MTR: variants seen among roughly 807,000 people sequenced by gnomAD.
The protein encoded by MTR is methionine synthase.
MTR carries 84 observed loss-of-function variants against 154.8 expected under a neutral mutation model. The observed-to-expected ratio is 0.54, with a 90% CI of 0.45 to 0.65. The LOEUF (loss-of-function observed/expected upper bound fraction) is 0.65, where lower values mean the gene tolerates loss of function less well. Ranked by LOEUF, MTR falls within the 30% of genes least tolerant of loss-of-function variation. The pLI, the probability that MTR is intolerant of heterozygous loss-of-function variation, is 0.00. For missense variants in MTR, 1,275 were observed against 1,570.2 expected, an observed-to-expected ratio of 0.81 and a Z score of 3.18; for synonymous variants, 554 against 553.9, an observed-to-expected ratio of 1.00 and a Z score of 0.00.
At chr1:236,811,496 GGTA>G in intron 5 of MTR, 2 of 425,252 alleles carry the variant, frequency 4.7e-6, no homozygotes, top group South Asian at 3.4e-5. Flanking sequence ...TACCATGTCT[GGTA>G]GTGCAGTGGG....
In MTR at chr1:236,825,394, C is replaced by T; in HGVS notation, c.922C>T (p.Leu308=). ...DETPSMMAKH[L]KDFAMDGLVN... is the part of the protein sequence containing the mutation. ...AACGCCTTCTATGATGGCCAAGCAC[C>T]TAAAGGTCAGGGGTCCCCCTTTCAC... is the stretch of plus-strand genomic sequence containing the variant. Residue 308 remains leucine (L), a synonymous_variant, in exon 10 of 33, where the codon CTA becomes TTA. Coordinates refer to ENST00000366577, the MANE Select transcript of MTR (RefSeq NM_000254.3). 1 of 1,612,954 alleles carries T rather than the reference C, an allele frequency of 6.2e-7. No homozygotes were observed. The highest frequency in any genetic ancestry group is 8.5e-7 in the Non-Finnish European group (1 of 1,179,044).
In MTR at chr1:236,815,537, C is replaced by T. The variant is rs1287963956; in HGVS notation, c.610-67C>T. On this transcript the variant is annotated intron_variant, in intron 6 of 32. Transcript: ENST00000366577. ...GTCTTAGAAAAGGGTGCATTCTAAT[C>T]AGGAAGTTAGACTAATCTTGGACAC... The T allele has an allele frequency of 6.0e-6, 9 of 1,498,890 alleles. No individual in the cohort carries two copies. The African/African-American group carries it at 8.3e-5, about 14-fold the overall frequency. 92.8% of individuals were successfully genotyped at this position (1,498,890 alleles called of 1,614,324 possible).
At chr1:236,869,473 C>T (rs79024282) in intron 22 of MTR, among the ~76,000 whole-genome samples, 6,100 of 152,294 alleles carry the variant, frequency 0.04, 391 homozygotes, top group African/African-American at 0.13. Context: ...ACTGGGTTTA[C>T]AGGCATGAGC....
intron 9 of MTR, 62 bp from the exon 10 acceptor site, chr1:236,825,274 CTT>C: frequency 8.5e-7 from 1 of 1,182,588 alleles, no homozygotes; most frequent in Non-Finnish European, 1.3e-6. Flanking sequence ...AACATAAAGT[CTT>C]TAAAAATACA....
chr1:236,900,421 AG>A lies in MTR; in HGVS notation c.*2779del. The stretch of plus-strand genomic sequence containing the variant: ...AAAACTATGCTATTAAAAAAAAAGA[AG>A]GTAACTGATAAACCAAAATTGAGCA... On this transcript the variant is annotated 3_prime_UTR_variant, in exon 33 of 33. Transcript: ENST00000366577. 6.4e-6 allele frequency: 1 copy of A among 155,534 alleles called. No individual in the cohort carries two copies. The highest frequency in any genetic ancestry group is 1.4e-5 in the Non-Finnish European group (1 of 70,680). 9.6% of individuals were successfully genotyped at this position (155,534 alleles called of 1,614,324 possible). A position where few individuals can be genotyped will look rare whatever the true frequency, so the allele number is the denominator to read the frequency against.
chr1:236,795,439 C>G lies in MTR; in HGVS notation c.-265C>G. ...GGCCGCGCGTGTCTGGCTGCTAGGC[C>G]GACACCAAGGACTGGCCGGGTACCC... is the stretch of plus-strand genomic sequence containing the variant. On this transcript the variant is annotated 5_prime_UTR_variant, in exon 1 of 33. Transcript: ENST00000366577. 6.7e-7 allele frequency: 1 copy of G among 1,485,366 alleles called. No homozygotes were observed. The highest frequency in any genetic ancestry group is 1.4e-5 in the African/African-American group (1 of 72,042). 92.0% of individuals were successfully genotyped at this position (1,485,366 alleles called of 1,614,324 possible). A position where few individuals can be genotyped will look rare whatever the true frequency, so the allele number is the denominator to read the frequency against.
chr1:236,797,656 G>GC (rs1364076823), intron 1 of MTR, among the ~76,000 whole-genome samples: 3 of 152,030 alleles, frequency 2.0e-5, no homozygotes, highest in Admixed American at 6.6e-5. Context: ...TACTGCACAA[G>GC]CAAAGAGATG....
chr1:236,888,572 G>T (rs1344423563), intron 27 of MTR, among the ~76,000 whole-genome samples: 1 of 152,204 alleles, frequency 6.6e-6, no homozygotes, highest in Non-Finnish European at 1.5e-5. Flanking sequence ...TATTTCTAAG[G>T]TAATAAATCA....
intron 11 of MTR, 37 bp downstream of exon 11, chr1:236,826,933 G>A: frequency 6.4e-7 from 1 of 1,554,140 alleles, no homozygotes; most frequent in Non-Finnish European, 8.9e-7. Context: ...CTAAAACCAA[G>A]TGGATAATCA....
chr1:236,823,757 T>A (rs962706034), intron 8 of MTR, among the ~76,000 whole-genome samples: 1 of 150,866 alleles, frequency 6.6e-6, no homozygotes, highest in African/African-American at 2.4e-5. Flanking sequence ...CTCCAAGATT[T>A]CCTTTTCCTT....
At chr1:236,863,649 A>G in intron 22 of MTR, 95 bp downstream of exon 22, 2 of 1,049,266 alleles carry the variant, frequency 1.9e-6, no homozygotes, top group Non-Finnish European at 2.9e-6. Context: ...AGAGTAGGGC[A>G]TGGCAGTGGA....
At chr1:236,865,119 A>G (rs764701043) in intron 22 of MTR, among the ~76,000 whole-genome samples, 33 of 152,226 alleles carry the variant, frequency 2.2e-4, no homozygotes, top group Non-Finnish European at 4.6e-4. Context: ...CCAGGGTGCT[A>G]CTGGAACTGA....
intron 15 of MTR, among the ~76,000 whole-genome samples, chr1:236,844,749 G>C (rs1322002588): frequency 6.6e-6 from 1 of 152,118 alleles, no homozygotes; most frequent in Non-Finnish European, 1.5e-5. Context: ...TGTGCTGGCG[G>C]GAGTCTATAA....
intron 22 of MTR, among the ~76,000 whole-genome samples, chr1:236,867,270 AT>A (rs1664869271): frequency 6.6e-6 from 1 of 152,198 alleles, no homozygotes; most frequent in Non-Finnish European, 1.5e-5. Flanking sequence ...TTTAAGAATT[AT>A]GTTAAATCTA....
chr1:236,850,735 C>G (rs897291860), intron 16 of MTR, among the ~76,000 whole-genome samples: 4 of 152,084 alleles, frequency 2.6e-5, no homozygotes, highest in African/African-American at 9.7e-5. Flanking sequence ...ATAACAGAGC[C>G]TGATGAACTC....
chr1:236,813,731 G>A (rs1184347288), intron 6 of MTR, among the ~76,000 whole-genome samples: 1 of 151,998 alleles, frequency 6.6e-6, no homozygotes, highest in Non-Finnish European at 1.5e-5. Flanking sequence ...TTAAAATTGA[G>A]TCCTTTACTG....
chr1:236,894,325 C>T, intron 29 of MTR, 32 bp from the exon 30 acceptor site: 1 of 1,610,178 alleles, frequency 6.2e-7, no homozygotes, highest in Non-Finnish European at 8.5e-7. Context: ...CTAACGGCGC[C>T]CCCGCACACT....
chr1:236,806,272 G>T, intron 3 of MTR, 39 bp downstream of exon 3: 1 of 1,534,084 alleles, frequency 6.5e-7, no homozygotes. Flanking sequence ...AGATGCTTAC[G>T]AGCGTTTGCT....
At chr1:236,863,800 G>A (rs570989494) in intron 22 of MTR, among the ~76,000 whole-genome samples, 3 of 152,290 alleles carry the variant, frequency 2.0e-5, no homozygotes, top group African/African-American at 7.2e-5. Context: ...TTCAAGTGGG[G>A]TGGAAACCGT....
Sources: gnomAD v4.1 joint callset for allele counts (sites outside exome capture counted in the v4.1 genomes callset) on GRCh38, gnomAD v4.1.1 for gene constraint, MANE v1.5 for transcripts, NCBI Gene and HGNC (gene_info 2026-07-23, HGNC 2026-07-21) for gene names.